The following LUZP2 variants were observed in gnomAD, a reference collection of about 807,000 sequenced individuals.
The protein encoded by LUZP2 is leucine zipper protein 2.
A neutral mutation model predicts 51.6 loss-of-function variants in LUZP2; 52 were observed. That is an observed-to-expected ratio of 1.01 (90% CI 0.81 to 1.27). LUZP2 has a LOEUF of 1.27. Among genes scored for constraint, LUZP2 ranks in the 50% most tolerant of loss-of-function variants. The pLI is 0.00. For synonymous variants in LUZP2, 154 were observed against 137.3 expected (o/e 1.12, Z -0.85); for missense variants, 436 against 395.4 (o/e 1.10, Z -0.87).
At chr11:24,782,103 G>C (rs1436566868) in intron 5 of LUZP2, among the ~76,000 whole-genome samples, 1 of 152,050 alleles carries the variant, frequency 6.6e-6, no homozygotes, top group Non-Finnish European at 1.5e-5. Flanking sequence ...TAGAGATTCA[G>C]AATCAGGTGT....
At chr11:24,841,819 T>C (rs1427150644) in intron 5 of LUZP2, among the ~76,000 whole-genome samples, 1 of 152,104 alleles carries the variant, frequency 6.6e-6, no homozygotes, top group African/African-American at 2.4e-5. Flanking sequence ...GGTGCAAGTA[T>C]AGACAGACAA....
chr11:24,897,586 A>G (rs1853121032), intron 5 of LUZP2, among the ~76,000 whole-genome samples: 1 of 152,078 alleles, frequency 6.6e-6, no homozygotes, highest in Non-Finnish European at 1.5e-5. Context: ...GAGACCAGGA[A>G]CCCACCAGAA....
chr11:24,596,130 A>G (rs900435135), intron 1 of LUZP2, among the ~76,000 whole-genome samples: 1 of 152,178 alleles, frequency 6.6e-6, no homozygotes, highest in African/African-American at 2.4e-5. Flanking sequence ...TTGCAGCTTC[A>G]AATGTTACAA....
At chr11:25,067,403 T>A (rs1472150611) in intron 10 of LUZP2, among the ~76,000 whole-genome samples, 2 of 152,118 alleles carry the variant, frequency 1.3e-5, no homozygotes, top group African/African-American at 4.8e-5. Context: ...ATTTGTCAAT[T>A]TTGGCTTTTG....
intron 7 of LUZP2, among the ~76,000 whole-genome samples, chr11:24,926,379 G>GTATATATATATACGTGTGTA (rs1175595879): frequency 3.7e-4 from 3 of 8,022 alleles, no homozygotes; most frequent in Non-Finnish European, 6.6e-4. Flanking sequence ...ATATACGTGT[G>GTATATATATATACGTGTGTA]TATATATATA....
At chr11:25,052,226 G>A (rs982274137) in intron 10 of LUZP2, among the ~76,000 whole-genome samples, 4 of 152,170 alleles carry the variant, frequency 2.6e-5, no homozygotes, top group African/African-American at 9.7e-5. Flanking sequence ...AATACAATGA[G>A]TGACATAAAC....
chr11:24,693,222 T>C (rs933697594), intron 1 of LUZP2, among the ~76,000 whole-genome samples: 3 of 151,756 alleles, frequency 2.0e-5, no homozygotes, highest in Non-Finnish European at 2.9e-5. Flanking sequence ...GTTGTTGTTG[T>C]TTTTAAGCAT....
intron 4 of LUZP2, among the ~76,000 whole-genome samples, chr11:24,741,397 T>C (rs2133988787): frequency 6.6e-6 from 1 of 152,144 alleles, no homozygotes; most frequent in South Asian, 2.1e-4. Flanking sequence ...ATTTCTTTTT[T>C]ATTTGGTATT....
At chr11:24,975,694 G>A (rs1392606774) in intron 7 of LUZP2, among the ~76,000 whole-genome samples, 2 of 152,034 alleles carry the variant, frequency 1.3e-5, no homozygotes, top group Non-Finnish European at 2.9e-5. Flanking sequence ...AAAAGTCAAG[G>A]GCTTTGCCCA....
intron 4 of LUZP2, among the ~76,000 whole-genome samples, chr11:24,746,989 T>C (rs1859405700): frequency 1.3e-5 from 2 of 152,214 alleles, no homozygotes; most frequent in African/African-American, 4.8e-5. Context: ...TGCACTGGGC[T>C]TTGCCTTTCT....
intron 5 of LUZP2, among the ~76,000 whole-genome samples, chr11:24,865,089 C>T (rs1211431623): frequency 6.6e-6 from 1 of 152,120 alleles, no homozygotes; most frequent in Non-Finnish European, 1.5e-5. Context: ...AGGCAAATGT[C>T]ACACTAAGGT....
chr11:24,555,654 C>A (rs1399515740), intron 1 of LUZP2, among the ~76,000 whole-genome samples: 1 of 152,152 alleles, frequency 6.6e-6, no homozygotes, highest in African/African-American at 2.4e-5. Context: ...ATTCAAATAA[C>A]TGGCTTCAAT....
chr11:24,644,313 G>A (rs1855400076), intron 1 of LUZP2, among the ~76,000 whole-genome samples: 1 of 152,068 alleles, frequency 6.6e-6, no homozygotes, highest in Non-Finnish European at 1.5e-5. Flanking sequence ...TTCAGTAATG[G>A]CCTACAAGAA....
rs75745973 is a variant in LUZP2, at chr11:24,509,279, G to C, written c.62+11974G>C. Among the ~76,000 whole-genome samples, 17 of 152,074 alleles carry C rather than the reference G, an allele frequency of 1.1e-4. No individual in the cohort carries two copies. The East Asian group carries it at 3.3e-3, about 29-fold the overall frequency. On this transcript the variant is annotated intron_variant, in intron 1 of 11. Coordinates refer to ENST00000336930, the MANE Select transcript of LUZP2 (RefSeq NM_001009909.4). Reference sequence around the variant, plus strand: ...ACAGCCAGATTTTTCTTAGAAAGTCGTTTGGCTGGAACTGTTCTTCCACTG... The same window carrying C: ...ACAGCCAGATTTTTCTTAGAAAGTCCTTTGGCTGGAACTGTTCTTCCACTG...
At chr11:25,011,273 G>A (rs567029179) in intron 9 of LUZP2, among the ~76,000 whole-genome samples, 3 of 152,158 alleles carry the variant, frequency 2.0e-5, no homozygotes, top group Non-Finnish European at 4.4e-5. Context: ...ATGTACATGA[G>A]CATCTGTATC....
intron 7 of LUZP2, among the ~76,000 whole-genome samples, chr11:24,930,126 G>A (rs1056390612): frequency 6.6e-6 from 1 of 152,122 alleles, no homozygotes; most frequent in East Asian, 1.9e-4. Context: ...GAGTCTTTTT[G>A]TGTTGGGTGA....
chr11:24,972,361 A>C (rs905267217), intron 7 of LUZP2, among the ~76,000 whole-genome samples: 1 of 152,054 alleles, frequency 6.6e-6, no homozygotes, highest in African/African-American at 2.4e-5. Context: ...TAAGTATTTT[A>C]CAGATATTGA....
chr11:24,817,262 C>A (rs1850216300), intron 5 of LUZP2, among the ~76,000 whole-genome samples: 1 of 152,002 alleles, frequency 6.6e-6, no homozygotes, highest in Admixed American at 6.6e-5. Context: ...TCTAGAGATG[C>A]ATCAAAGTGT....
chr11:24,574,861 A>T (rs1039466850), intron 1 of LUZP2, among the ~76,000 whole-genome samples: 57 of 152,118 alleles, frequency 3.7e-4, no homozygotes, highest in African/African-American at 1.3e-3. Context: ...TAGAAAATTT[A>T]TATCTTAAAA....
Sources: allele counts gnomAD v4.1 joint callset (sites outside exome capture counted in the v4.1 genomes callset), GRCh38; gene constraint gnomAD v4.1.1; transcripts MANE v1.5; gene names NCBI Gene and HGNC (gene_info 2026-07-23, HGNC 2026-07-21).